Variants in CNTN5 observed in about 807,000 individuals in gnomAD.
CNTN5 encodes contactin 5, also known as contactin-5.
Under a neutral mutation model 129.1 loss-of-function variants are expected in CNTN5, and 77 were observed. The observed-to-expected ratio is 0.60, with a 90% CI of 0.50 to 0.72. CNTN5 has a LOEUF of 0.72. Among genes scored for constraint, CNTN5 ranks in the 30% least tolerant of loss-of-function variants. The pLI, the probability that CNTN5 is intolerant of heterozygous loss-of-function variation, is 0.00. For missense variants in CNTN5, 1,478 were observed against 1,328.8 expected (o/e 1.11, Z -1.75); for synonymous variants, 509 against 465.6 (o/e 1.09, Z -1.20).
At chr11:99,485,991 T>C (rs757240273) in intron 2 of CNTN5, among the ~76,000 whole-genome samples, 39 of 152,094 alleles carry the variant, frequency 2.6e-4, no homozygotes, top group Non-Finnish European at 4.9e-4. Context: ...ACAATTAATA[T>C]GAATCTTCTG....
chr11:99,246,533 A>T (rs1861824706), intron 1 of CNTN5, among the ~76,000 whole-genome samples: 3 of 152,198 alleles, frequency 2.0e-5, no homozygotes, highest in Admixed American at 6.5e-5. Context: ...TGCAGCTATC[A>T]TACCAAAATT....
At chr11:99,570,304 T>C (rs776536229) in intron 3 of CNTN5, among the ~76,000 whole-genome samples, 5 of 152,300 alleles carry the variant, frequency 3.3e-5, no homozygotes, top group African/African-American at 7.2e-5. Context: ...CCAGGATCCT[T>C]ATTTGTTCCA....
intron 16 of CNTN5, among the ~76,000 whole-genome samples, chr11:100,239,720 C>A (rs1172898134): frequency 6.6e-6 from 1 of 152,134 alleles, no homozygotes; most frequent in Non-Finnish European, 1.5e-5. Flanking sequence ...TCAAGTTATT[C>A]TAGAATTGTC....
chr11:99,933,215 A>G (rs1950231127), intron 7 of CNTN5, among the ~76,000 whole-genome samples: 1 of 152,198 alleles, frequency 6.6e-6, no homozygotes, highest in African/African-American at 2.4e-5. Flanking sequence ...AGAAATAGAA[A>G]CAAATAGAAA....
intron 1 of CNTN5, among the ~76,000 whole-genome samples, chr11:99,186,154 C>T (rs1858341818): frequency 6.6e-6 from 1 of 151,588 alleles, no homozygotes; most frequent in Non-Finnish European, 1.5e-5. Context: ...AAATTTCTAC[C>T]TATGTGTCCT....
In CNTN5 at chr11:99,539,407, T is replaced by C. The variant is rs116503685; in HGVS notation, c.-70-16738T>C. 6.2e-3 allele frequency among the ~76,000 whole-genome samples: 948 copies of C among 152,184 alleles called. 7 individuals are homozygous for C. The highest frequency in any genetic ancestry group is 0.021 in the African/African-American group (878 of 41,548). On this transcript the variant is annotated intron_variant, in intron 2 of 24. Transcript: ENST00000524871. ...CCACATGACCCAAATTATCGTTTTATTGTTTGTGATCTATTCCCTAAATCC... is the reference window on the plus strand; with the variant it reads ...CCACATGACCCAAATTATCGTTTTACTGTTTGTGATCTATTCCCTAAATCC...
chr11:99,793,483 G>T (rs1172429447), intron 3 of CNTN5, among the ~76,000 whole-genome samples: 7 of 152,092 alleles, frequency 4.6e-5, no homozygotes, highest in African/African-American at 1.7e-4. Flanking sequence ...AGATTTGGGG[G>T]TGATTTGCTG....
intron 3 of CNTN5, among the ~76,000 whole-genome samples, chr11:99,693,065 C>T (rs1009263440): frequency 1.3e-5 from 2 of 152,050 alleles, no homozygotes; most frequent in African/African-American, 4.8e-5. Flanking sequence ...AAAAAATTTT[C>T]AAGCTGTAAA....
intron 6 of CNTN5, among the ~76,000 whole-genome samples, chr11:99,873,332 T>A (rs537250933): frequency 2.0e-5 from 3 of 150,272 alleles, no homozygotes; most frequent in Non-Finnish European, 3.0e-5. Flanking sequence ...TCAGGATAAA[T>A]AATTAGTATT....
At chr11:99,894,515 CAAA>C (rs202067813) in intron 6 of CNTN5, among the ~76,000 whole-genome samples, 3 of 107,490 alleles carry the variant, frequency 2.8e-5, no homozygotes, top group Admixed American at 1.9e-4. Context: ...GTACCAGCAG[CAAA>C]AAAAAAAAAA....
At chr11:99,843,656 C>A (rs1947587329) in intron 4 of CNTN5, among the ~76,000 whole-genome samples, 1 of 152,056 alleles carries the variant, frequency 6.6e-6, no homozygotes. Flanking sequence ...TGTCTGGATA[C>A]CTTTTTTATT....
chr11:99,578,650 T>C lies in CNTN5; in HGVS notation c.55+22381T>C, dbSNP rs1469175050. On this transcript the variant is annotated intron_variant, in intron 3 of 24. Transcript: ENST00000524871. Reference sequence around the variant, plus strand: ...TTCTTTTGAGAAGTGTCTGTTCATGTCCTTCGCCCACTTTTTGATGGGGTT... The same window carrying C: ...TTCTTTTGAGAAGTGTCTGTTCATGCCCTTCGCCCACTTTTTGATGGGGTT... 3.3e-5 allele frequency among the ~76,000 whole-genome samples: 5 copies of C among 150,120 alleles called. No individual in the cohort carries two copies. In the South Asian group the frequency reaches 8.5e-4, roughly 26 times the overall value.
chr11:99,601,101 A>C (rs1950298435), intron 3 of CNTN5, among the ~76,000 whole-genome samples: 1 of 152,176 alleles, frequency 6.6e-6, no homozygotes, highest in Non-Finnish European at 1.5e-5. Context: ...AAAGTTTGGC[A>C]CTTGGAAGGT....
intron 1 of CNTN5, among the ~76,000 whole-genome samples, chr11:99,118,270 A>G (rs973089770): frequency 6.6e-6 from 1 of 152,122 alleles, no homozygotes; most frequent in Non-Finnish European, 1.5e-5. Flanking sequence ...TTTTGACATT[A>G]TAGTGGGTGT....
intron 2 of CNTN5, among the ~76,000 whole-genome samples, chr11:99,472,090 T>G (rs1945198959): frequency 6.6e-6 from 1 of 152,138 alleles, no homozygotes; most frequent in African/African-American, 2.4e-5. Context: ...AACCCCAAGT[T>G]AATCAACCTA....
At chr11:100,294,353 C>T (rs1951059953) in intron 18 of CNTN5, among the ~76,000 whole-genome samples, 1 of 151,592 alleles carries the variant, frequency 6.6e-6, no homozygotes, top group Non-Finnish European at 1.5e-5. Flanking sequence ...TCTGTGTTTA[C>T]AAGAATGCTT....
intron 15 of CNTN5, among the ~76,000 whole-genome samples, chr11:100,216,147 G>T (rs761511713): frequency 1.3e-5 from 2 of 152,034 alleles, no homozygotes; most frequent in Non-Finnish European, 2.9e-5. Context: ...CATTTTAACT[G>T]ATGAGTGAGA....
intron 13 of CNTN5, among the ~76,000 whole-genome samples, chr11:100,163,717 C>T (rs1348619825): frequency 6.6e-6 from 1 of 151,782 alleles, no homozygotes; most frequent in Admixed American, 6.6e-5. Context: ...ATAATCTCTT[C>T]TCCAGCCCAC....
At chr11:100,068,976 C>T (rs1420973542) in intron 10 of CNTN5, among the ~76,000 whole-genome samples, 4 of 152,104 alleles carry the variant, frequency 2.6e-5, no homozygotes, top group Admixed American at 2.6e-4. Flanking sequence ...ATGAATGTTA[C>T]AGGGATTAAT....
Sources: allele counts gnomAD v4.1 joint callset (sites outside exome capture counted in the v4.1 genomes callset), GRCh38; gene constraint gnomAD v4.1.1; transcripts MANE v1.5; gene names NCBI Gene and HGNC (gene_info 2026-07-23, HGNC 2026-07-21).